Variants in RNF150 observed in about 807,000 individuals in gnomAD.
RNF150 encodes ring finger protein 150.
Under a neutral mutation model 39.3 loss-of-function variants are expected in RNF150, and 24 were observed. The observed-to-expected ratio is 0.61, with a 90% confidence interval of 0.44 to 0.86. RNF150 has a LOEUF of 0.86. Ranked by LOEUF, RNF150 falls within the 40% of genes least tolerant of loss-of-function variation. The pLI is 0.00. For synonymous variants in RNF150, 255 were observed against 227.3 expected, an observed-to-expected ratio of 1.12 and a Z score of -1.10; for missense variants, 502 against 587.8, an observed-to-expected ratio of 0.85 and a Z score of 1.51.
chr4:140,877,432 T>G (rs1186626799), intron 6 of RNF150, among the ~76,000 whole-genome samples: 1 of 151,638 alleles, frequency 6.6e-6, no homozygotes. Flanking sequence ...GAAAAAGGAG[T>G]GTAAAAGAGA....
At chr4:141,050,697 T>C (rs956613934) in intron 1 of RNF150, among the ~76,000 whole-genome samples, 26 of 152,208 alleles carry the variant, frequency 1.7e-4, no homozygotes, top group African/African-American at 6.3e-4. Flanking sequence ...TGGGTTCCCA[T>C]GGTCTTGGGC....
chr4:141,191,995 C>T (rs1233580522), intron 1 of RNF150, among the ~76,000 whole-genome samples: 6 of 152,142 alleles, frequency 3.9e-5, no homozygotes, highest in Non-Finnish European at 8.8e-5. Context: ...TCCTCAGATT[C>T]CTATGAATCA....
intron 6 of RNF150, among the ~76,000 whole-genome samples, chr4:140,873,511 C>A (rs559689418): frequency 6.6e-6 from 1 of 152,214 alleles, no homozygotes; most frequent in Admixed American, 6.5e-5. Flanking sequence ...TATACTCCTT[C>A]ATCTTTTATA....
chr4:140,920,419 A>C (rs1487783153), intron 5 of RNF150, among the ~76,000 whole-genome samples: 4 of 146,656 alleles, frequency 2.7e-5, no homozygotes, highest in Non-Finnish European at 4.5e-5. Context: ...TTATGCAGCC[A>C]AAAAACACAT....
At chr4:141,023,748 C>T (rs1735588622) in intron 1 of RNF150, among the ~76,000 whole-genome samples, 1 of 152,116 alleles carries the variant, frequency 6.6e-6, no homozygotes, top group Non-Finnish European at 1.5e-5. Flanking sequence ...GTGGCTACCA[C>T]GTTGGACAGC....
At chr4:140,932,341 TCC>T (rs1731681384) in intron 4 of RNF150, among the ~76,000 whole-genome samples, 1 of 152,210 alleles carries the variant, frequency 6.6e-6, no homozygotes, top group Non-Finnish European at 1.5e-5. Context: ...AGTTATTGTA[TCC>T]CTACTATGTA....
intron 1 of RNF150, among the ~76,000 whole-genome samples, chr4:141,154,007 T>C (rs925760188): frequency 6.6e-6 from 1 of 152,230 alleles, no homozygotes; most frequent in Non-Finnish European, 1.5e-5. Context: ...CCTCAGTTTT[T>C]TCATGTGTAA....
intron 1 of RNF150, among the ~76,000 whole-genome samples, chr4:141,020,792 A>G (rs1447252816): frequency 6.6e-6 from 1 of 152,102 alleles, no homozygotes; most frequent in African/African-American, 2.4e-5. Flanking sequence ...AAGTTGTTTC[A>G]TTTGGTTAGA....
chr4:141,132,284 CCCCGCCGGCTCCCCTCCCCCGCG>C lies in RNF150; in HGVS notation c.484+18_484+40del, dbSNP rs953661709. The C allele has an allele frequency of 4.5e-6, 7 of 1,550,870 alleles. No homozygotes were observed. In the African/African-American group the frequency reaches 8.2e-5, roughly 18 times the overall value. ...GCTGGATCCCTCTAGGCACCTCCGTCCCCGCCGGCTCCCCTCCCCCGCGCCCGCTGGGCCACTCACCCGCGTGG... is the reference window on the plus strand; with the variant it reads ...GCTGGATCCCTCTAGGCACCTCCGTCCCCGCTGGGCCACTCACCCGCGTGG... On this transcript the variant is annotated intron_variant, in intron 1 of 6. Transcript: ENST00000515673. The surrounding 1 kb of genome is among the most constrained non-coding windows in gnomAD (Gnocchi z 4.9).
rs1728682632 is a variant in RNF150 at position 140,865,766 on chromosome 4, C to T, written c.*2495G>A. ...CCAGGGCTTGCATATGCAATCAATT[C>T]CTGATTCACCTAGTTCTTGGCAGGA... On this transcript the variant is annotated 3_prime_UTR_variant, in exon 7 of 7. Coordinates refer to ENST00000515673, the MANE Select transcript of RNF150 (RefSeq NM_020724.2). The T allele has an allele frequency of 6.6e-6, 1 of 152,480 alleles. No individual in the cohort carries two copies. Among genetic ancestry groups the T allele is most frequent in the Non-Finnish European group, 1.5e-5 (1 of 68,024 alleles). The allele number at this position is 152,480 out of a possible 1,614,324, so 9.4% of individuals were successfully genotyped here.
intron 2 of RNF150, among the ~76,000 whole-genome samples, chr4:140,956,728 C>G (rs554534631): frequency 6.6e-6 from 1 of 152,122 alleles, no homozygotes; most frequent in African/African-American, 2.4e-5. Context: ...TGGAACAGAA[C>G]AGAGCCCTCA....
intron 1 of RNF150, among the ~76,000 whole-genome samples, chr4:141,025,072 TTTA>T (rs1410718722): frequency 6.6e-6 from 1 of 152,184 alleles, no homozygotes; most frequent in Non-Finnish European, 1.5e-5. Flanking sequence ...GTCCTGAAAT[TTTA>T]TTTTCTTTTT....
At chr4:140,891,785 G>C (rs1299164267) in intron 6 of RNF150, among the ~76,000 whole-genome samples, 1 of 152,154 alleles carries the variant, frequency 6.6e-6, no homozygotes, top group Non-Finnish European at 1.5e-5. Context: ...GGAGGTGGGT[G>C]GAGGGTGAGT....
chr4:140,967,788 T>C lies in RNF150; in HGVS notation c.570A>G (p.Thr190=). The C allele has an allele frequency of 6.2e-7, 1 of 1,613,540 alleles. No homozygotes were observed. The highest frequency in any genetic ancestry group is 2.2e-5 in the East Asian group (1 of 44,850). Reference sequence around the variant, plus strand: ...TCCGGGTTCCGATGGTGATGTACATTGTCACGGTGATGTTTCTTTCCAGCA... The same window carrying C: ...TCCGGGTTCCGATGGTGATGTACATCGTCACGGTGATGTTTCTTTCCAGCA... ...VSLLERNITV[T]MYITIGTRNL... is the part of the protein sequence containing the mutation. The change falls in exon 2 of 7, where the codon ACA becomes ACG. Residue 190 remains threonine (T), a synonymous_variant. Coordinates refer to ENST00000515673, the MANE Select transcript of RNF150 (RefSeq NM_020724.2).
chr4:140,919,430 T>C (rs540747977), intron 5 of RNF150, among the ~76,000 whole-genome samples: 29 of 142,062 alleles, frequency 2.0e-4, no homozygotes, highest in Admixed American at 5.1e-4. Context: ...TGAACTCCCA[T>C]TCACAATTGC....
At chr4:140,927,566 CCCCAGAAG>C (rs1241219965) in intron 4 of RNF150, among the ~76,000 whole-genome samples, 2 of 152,156 alleles carry the variant, frequency 1.3e-5, no homozygotes, top group African/African-American at 4.8e-5. Context: ...CTTGAGGCCT[CCCCAGAAG>C]CCCAGAAGAT....
Position 140,911,313 on chromosome 4 carries a change from C to T in RNF150, c.1029G>A (p.Glu343=). ...TGGTGGGTGGACCTCCCAGAGAGCC[C>T]TCGAAGTCAGTGGGCAAGTCGTCCA... ...DCMDDLPTDF[E]GSLGGPPTNQ... The change falls in exon 6 of 7, where the codon GAG becomes GAA. Residue 343 remains glutamate (E), a synonymous_variant. Transcript: ENST00000515673. 1 of 1,614,112 alleles carries T rather than the reference C, an allele frequency of 6.2e-7. No individual in the cohort carries two copies.
At chr4:141,061,816 A>T (rs1396224417) in intron 1 of RNF150, among the ~76,000 whole-genome samples, 1 of 152,186 alleles carries the variant, frequency 6.6e-6, no homozygotes, top group Non-Finnish European at 1.5e-5. Flanking sequence ...GACAGATTTA[A>T]CTTATAGCAT....
intron 1 of RNF150, among the ~76,000 whole-genome samples, chr4:141,055,226 T>C (rs1006914490): frequency 3.9e-5 from 6 of 152,106 alleles, no homozygotes; most frequent in African/African-American, 1.2e-4. Context: ...AACATAGCTA[T>C]TGAAATTAAA....
Sources: gnomAD v4.1 joint callset for allele counts (sites outside exome capture counted in the v4.1 genomes callset) on GRCh38, gnomAD v4.1.1 for gene constraint, Gnocchi (gnomAD v3.1) non-coding constraint, MANE v1.5 for transcripts, NCBI Gene and HGNC (gene_info 2026-07-23, HGNC 2026-07-21) for gene names.